The following JADE1 variants were observed in gnomAD, a reference collection of about 807,000 sequenced individuals.
The protein encoded by JADE1 is protein Jade-1.
A neutral mutation model predicts 81.8 loss-of-function variants in JADE1; 14 were observed. The observed-to-expected ratio is 0.17, with a 90% CI of 0.11 to 0.27. JADE1 has a LOEUF of 0.27. JADE1 is among the 10% of genes least tolerant of loss of function. JADE1 has a pLI of 1.00. For synonymous variants in JADE1, 353 were observed against 391.9 expected (o/e 0.90, Z 1.17); for missense variants, 690 against 1,047.9 (o/e 0.66, Z 4.71).
chr4:128,826,821 A>T (rs1192730152), intron 1 of JADE1, among the ~76,000 whole-genome samples: 3 of 152,226 alleles, frequency 2.0e-5, no homozygotes, highest in Non-Finnish European at 4.4e-5. Context: ...TTGATTGAAT[A>T]CTGACAAAGA....
At chr4:128,853,097 C>T (rs1172269448) in intron 6 of JADE1, among the ~76,000 whole-genome samples, 3 of 152,114 alleles carry the variant, frequency 2.0e-5, no homozygotes, top group East Asian at 1.9e-4. Flanking sequence ...AGGCTGGTCT[C>T]GAACTCCTGA....
chr4:128,832,112 G>A (rs567517201), intron 2 of JADE1, among the ~76,000 whole-genome samples: 1 of 152,102 alleles, frequency 6.6e-6, no homozygotes, highest in Admixed American at 6.5e-5. Context: ...ATGGTACTTC[G>A]CAGTTGCGCT....
intron 1 of JADE1, among the ~76,000 whole-genome samples, chr4:128,818,948 G>C (rs1289110396): frequency 6.6e-6 from 1 of 151,814 alleles, no homozygotes; most frequent in Non-Finnish European, 1.5e-5. Flanking sequence ...TCCCATCTCA[G>C]CCTCCCCAGT....
At chr4:128,824,505 A>G (rs927090949) in intron 1 of JADE1, among the ~76,000 whole-genome samples, 7 of 152,220 alleles carry the variant, frequency 4.6e-5, no homozygotes, top group South Asian at 2.1e-4. Context: ...TACATTCTTT[A>G]GTACCTTTAG....
chr4:128,862,798 G>A, intron 9 of JADE1: 1 of 1,000,982 alleles, frequency 1.0e-6, no homozygotes. Context: ...AGAGCAGGCA[G>A]TGGGTGCTGA....
At chr4:128,817,673 A>G (rs1027674555) in intron 1 of JADE1, among the ~76,000 whole-genome samples, 1 of 152,248 alleles carries the variant, frequency 6.6e-6, no homozygotes, top group Non-Finnish European at 1.5e-5. Flanking sequence ...AGTTACTTCC[A>G]TGTGGAAATG....
Position 128,846,425 on chromosome 4 carries a change from G to C in JADE1, c.189G>C (p.Gln63His), listed in dbSNP as rs1041995022. Residue 63 changes from glutamine to histidine, a missense_variant, in exon 4 of 11, where the codon CAG becomes CAC. Physicochemically the swap from Gln to His is conservative, Grantham distance 24. Transcript: ENST00000226319. This position sits in a 1 kb window ranked among gnomAD's most constrained non-coding sequence, Gnocchi z 4.0. ...ITAMKLHDSY[Q>H]LNPDEYYVLA... ...CCATGAAGTTGCATGACTCCTACCA[G>C]CTGAATCCGGATGAGTACTATGTGT... 6.2e-7 allele frequency: 1 copy of C among 1,614,178 alleles called. No individual in the cohort carries two copies. The highest frequency in any genetic ancestry group is 8.5e-7 in the Non-Finnish European group (1 of 1,180,030).
intron 2 of JADE1, 73 bp downstream of exon 2, chr4:128,831,883 A>G (rs1728589901): frequency 1.5e-6 from 2 of 1,332,378 alleles, no homozygotes; most frequent in African/African-American, 1.4e-5. Flanking sequence ...TTTTAATGTA[A>G]TGCTTTAAAT....
chr4:128,864,541 T>C (rs1731640095), intron 9 of JADE1: 9 of 985,304 alleles, frequency 9.1e-6, no homozygotes, highest in Admixed American at 6.1e-5. Flanking sequence ...TTGAAATCTT[T>C]GCCTTGCCCA....
chr4:128,825,591 G>T (rs1468484123), intron 1 of JADE1, among the ~76,000 whole-genome samples: 1 of 152,178 alleles, frequency 6.6e-6, no homozygotes, highest in African/African-American at 2.4e-5. Flanking sequence ...GTGCATGTAA[G>T]CAGTAATCTG....
In JADE1 at chr4:128,849,315, G is replaced by C. The variant is rs1028762025; in HGVS notation, c.484+148G>C. On this transcript the variant is annotated intron_variant, in intron 5 of 10. Coordinates refer to ENST00000226319, the MANE Select transcript of JADE1 (RefSeq NM_199320.4). Reference sequence around the variant, plus strand: ...CAGTGAGAATCGCAGCCCTGCCTTAGATCTCAGCCTGTTTGGCTGTGTCAG... The same window carrying C: ...CAGTGAGAATCGCAGCCCTGCCTTACATCTCAGCCTGTTTGGCTGTGTCAG... The C allele has an allele frequency of 7.5e-6, 5 of 669,176 alleles. No homozygotes were observed. In the Admixed American group the frequency reaches 9.2e-5, roughly 12 times the overall value. The allele number at this position is 669,176 out of a possible 1,614,324, so 41.5% of individuals were successfully genotyped here. A position where few individuals can be genotyped will look rare whatever the true frequency, so the allele number is the denominator to read the frequency against.
intron 8 of JADE1, among the ~76,000 whole-genome samples, chr4:128,858,985 A>G (rs1731044024): frequency 6.6e-6 from 1 of 152,184 alleles, no homozygotes. Context: ...AGAATCCAAA[A>G]TATAACAGAA....
intron 1 of JADE1, among the ~76,000 whole-genome samples, chr4:128,812,158 C>T (rs1044126998): frequency 2.0e-5 from 3 of 151,906 alleles, no homozygotes; most frequent in Non-Finnish European, 1.5e-5. Flanking sequence ...GAGAGGGCGG[C>T]GGCGGCGGGG....
Position 128,849,985 on chromosome 4 carries a change from T to C in JADE1, c.484+818T>C, listed in dbSNP as rs965632624. 2.6e-5 allele frequency among the ~76,000 whole-genome samples: 4 copies of C among 152,192 alleles called. No individual in the cohort carries two copies. The East Asian group carries it at 7.7e-4, about 29-fold the overall frequency. On this transcript the variant is annotated intron_variant, in intron 5 of 10. Transcript: ENST00000226319. ...GTGGCAAGGGCCATGTATTGTAATCTAGGACATAGTAAATAATCACAAGAT... is the reference window on the plus strand; with the variant it reads ...GTGGCAAGGGCCATGTATTGTAATCCAGGACATAGTAAATAATCACAAGAT...
intron 2 of JADE1, among the ~76,000 whole-genome samples, chr4:128,836,922 G>T (rs1015475172): frequency 5.9e-5 from 9 of 152,060 alleles, no homozygotes; most frequent in African/African-American, 2.2e-4. Flanking sequence ...GTAGCAAATG[G>T]TGTTTTTGTT....
intron 9 of JADE1, among the ~76,000 whole-genome samples, chr4:128,866,640 T>C (rs533094382): frequency 2.0e-5 from 3 of 152,310 alleles, no homozygotes; most frequent in African/African-American, 4.8e-5. Context: ...CCACTTAAAG[T>C]AGGGTGATAC....
intron 8 of JADE1, among the ~76,000 whole-genome samples, chr4:128,858,081 G>A (rs1032365676): frequency 1.3e-5 from 2 of 152,036 alleles, no homozygotes; most frequent in Non-Finnish European, 2.9e-5. Flanking sequence ...GGCACCAGGC[G>A]CGCATGCACG....
chr4:128,845,996 G>C (rs1006485657), intron 3 of JADE1, among the ~76,000 whole-genome samples: 2 of 152,086 alleles, frequency 1.3e-5, no homozygotes, highest in African/African-American at 4.8e-5. Context: ...GGTTAGTGGA[G>C]TTATATTTCT....
intron 8 of JADE1, among the ~76,000 whole-genome samples, chr4:128,859,380 TGTGA>T (rs1205315632): frequency 6.6e-5 from 10 of 152,196 alleles, no homozygotes; most frequent in African/African-American, 1.9e-4. Context: ...TGTGTATGTG[TGTGA>T]GTATGCATGC....
Sources: allele counts gnomAD v4.1 joint callset (sites outside exome capture counted in the v4.1 genomes callset), GRCh38; gene constraint gnomAD v4.1.1; non-coding constraint Gnocchi (gnomAD v3.1); transcripts MANE v1.5; gene names NCBI Gene and HGNC (gene_info 2026-07-23, HGNC 2026-07-21).